ITGA2: variants seen among roughly 807,000 people sequenced by gnomAD.
The protein encoded by ITGA2 is integrin subunit alpha 2.
Under a neutral mutation model 146.3 loss-of-function variants are expected in ITGA2, and 101 were observed. That is an observed-to-expected ratio of 0.69 (90% CI 0.59 to 0.81). ITGA2 has a LOEUF of 0.81. ITGA2 is among the 40% of genes least tolerant of loss of function. The pLI, the probability that ITGA2 is intolerant of heterozygous loss-of-function variation, is 0.00. For missense variants in ITGA2, 1,281 were observed against 1,402.7 expected, an observed-to-expected ratio of 0.91 and a Z score of 1.39; for synonymous variants, 477 against 487.1, an observed-to-expected ratio of 0.98 and a Z score of 0.27.
At chr5:53,064,349 G>A (rs944921025) in intron 13 of ITGA2, among the ~76,000 whole-genome samples, 2 of 151,828 alleles carry the variant, frequency 1.3e-5, no homozygotes, top group African/African-American at 4.8e-5. Context: ...AATGGATGCT[G>A]TTCAGCTACA....
At chr5:52,989,965 G>C (rs965665100) in intron 1 of ITGA2, 3 of 214,844 alleles carry the variant, frequency 1.4e-5, no homozygotes, top group Admixed American at 5.1e-5. Context: ...AGGGAAATCC[G>C]GAATCCATTG....
chr5:53,065,536 A>T (rs1255606289), intron 14 of ITGA2, among the ~76,000 whole-genome samples: 2 of 151,854 alleles, frequency 1.3e-5, no homozygotes, highest in East Asian at 3.9e-4. Flanking sequence ...CTGGAAGGAA[A>T]AGAACTAGGA....
At chr5:53,002,066 A>G (rs1303398450) in intron 1 of ITGA2, among the ~76,000 whole-genome samples, 2 of 152,086 alleles carry the variant, frequency 1.3e-5, no homozygotes, top group Non-Finnish European at 1.5e-5. Context: ...TTGATTTTTA[A>G]TTTTCCAAAT....
Position 53,064,926 on chromosome 5 carries a change from G to A in ITGA2, c.1617G>A (p.Gln539=). The A allele has an allele frequency of 6.2e-7, 1 of 1,612,622 alleles. No individual in the cohort carries two copies. Among genetic ancestry groups the A allele is most frequent in the Non-Finnish European group, 8.5e-7 (1 of 1,179,074 alleles). The stretch of plus-strand genomic sequence containing the variant: ...CCCTTTGCAAGGGCATTTTGGGTCA[G>A]CACCAATTTCTTGAAGGCCCCGAGG... ...LFTIKEGILG[Q]HQFLEGPEGI... Residue 539 remains glutamine (Q), a synonymous_variant, in exon 14 of 30, where the codon CAG becomes CAA. Coordinates refer to ENST00000296585, the MANE Select transcript of ITGA2 (RefSeq NM_002203.4).
At chr5:53,019,806 G>A (rs561364444) in intron 1 of ITGA2, among the ~76,000 whole-genome samples, 12 of 152,204 alleles carry the variant, frequency 7.9e-5, no homozygotes, top group East Asian at 1.9e-4. Context: ...GATTACAGGC[G>A]TGAGCCACCA....
rs200253391 is a variant in ITGA2, at chr5:53,026,885, C to T, written c.185+17C>T. The T allele has an allele frequency of 3.1e-6, 5 of 1,604,512 alleles. No homozygotes were observed. The highest frequency in any genetic ancestry group is 2.6e-6 in the Non-Finnish European group (3 of 1,171,768). The stretch of plus-strand genomic sequence containing the variant: ...AGGCAACTGGTAAGAATATTCTCTT[C>T]TTTATGATTTCAGTAAAAATACAAA... On this transcript the variant is annotated intron_variant, in intron 2 of 29. Coordinates refer to ENST00000296585, the MANE Select transcript of ITGA2 (RefSeq NM_002203.4).
intron 23 of ITGA2, among the ~76,000 whole-genome samples, chr5:53,078,386 C>T (rs1332136602): frequency 6.6e-6 from 1 of 152,080 alleles, no homozygotes; most frequent in East Asian, 1.9e-4. Flanking sequence ...GCTTATAAAT[C>T]CATTCATTCA....
At chr5:53,066,700 T>C (rs563750699) in intron 15 of ITGA2, among the ~76,000 whole-genome samples, 1 of 152,032 alleles carries the variant, frequency 6.6e-6, no homozygotes, top group Admixed American at 6.6e-5. Context: ...CTTGTGCTTT[T>C]AAAGAATGAA....
chr5:53,028,490 A>G (rs1743059592), intron 2 of ITGA2, among the ~76,000 whole-genome samples: 1 of 152,230 alleles, frequency 6.6e-6, no homozygotes, highest in African/African-American at 2.4e-5. Context: ...TTATCAAATG[A>G]TGCTTTGATA....
chr5:53,001,567 A>G (rs1259199408), intron 1 of ITGA2, among the ~76,000 whole-genome samples: 1 of 152,186 alleles, frequency 6.6e-6, no homozygotes, highest in African/African-American at 2.4e-5. Context: ...AGCAAGACAA[A>G]AAGTGATTCA....
chr5:53,088,399 A>C (rs1379097030), intron 28 of ITGA2, among the ~76,000 whole-genome samples: 2 of 152,160 alleles, frequency 1.3e-5, no homozygotes, highest in Non-Finnish European at 2.9e-5. Flanking sequence ...TTAAAAGTAA[A>C]GAAAGGCTGG....
intron 15 of ITGA2, among the ~76,000 whole-genome samples, chr5:53,066,657 T>A (rs1455147932): frequency 2.0e-5 from 3 of 151,938 alleles, no homozygotes; most frequent in African/African-American, 7.2e-5. Context: ...TATTTTTTAT[T>A]TCTGAGTTTA....
intron 19 of ITGA2, 145 bp downstream of exon 19, chr5:53,072,840 T>C: frequency 2.6e-6 from 2 of 759,208 alleles, no homozygotes; most frequent in South Asian, 1.7e-5. Context: ...TTTCAATGTC[T>C]ACCATCCACA....
chr5:53,043,883 G>A (rs1436621369), intron 3 of ITGA2, among the ~76,000 whole-genome samples: 1 of 152,110 alleles, frequency 6.6e-6, no homozygotes, highest in African/African-American at 2.4e-5. Context: ...AATGATTAGA[G>A]AAACTGAGAT....
At chr5:53,055,487 A>G (rs1367025220) in intron 7 of ITGA2, 51 bp from the exon 8 acceptor site, 2 of 1,565,992 alleles carry the variant, frequency 1.3e-6, no homozygotes, top group Admixed American at 1.7e-5. Context: ...AGGTTCTCAT[A>G]TTAACTTCAT....
chr5:53,088,556 C>T (rs983846638), intron 28 of ITGA2, among the ~76,000 whole-genome samples: 4 of 151,834 alleles, frequency 2.6e-5, no homozygotes, highest in African/African-American at 9.7e-5. Context: ...TGTGGTGGTG[C>T]ACGCCTGGAA....
At chr5:53,084,677 GT>G (rs111507311) in intron 27 of ITGA2, among the ~76,000 whole-genome samples, 16,913 of 152,134 alleles carry the variant, frequency 0.11, 1,146 homozygotes, top group African/African-American at 0.18. Context: ...GCCGTTAGTT[GT>G]TATCACCTTC....
intron 2 of ITGA2, among the ~76,000 whole-genome samples, chr5:53,031,190 A>C (rs1579823799): frequency 6.6e-6 from 1 of 152,224 alleles, no homozygotes; most frequent in African/African-American, 2.4e-5. Context: ...TTAAACATTG[A>C]CTTTCCTTCT....
intron 3 of ITGA2, among the ~76,000 whole-genome samples, chr5:53,044,753 A>G (rs1193984450): frequency 2.0e-5 from 3 of 152,334 alleles, no homozygotes; most frequent in South Asian, 2.1e-4. Context: ...TTAAACATCT[A>G]TAAGTCATAC....
Sources: allele counts gnomAD v4.1 joint callset (sites outside exome capture counted in the v4.1 genomes callset), GRCh38; gene constraint gnomAD v4.1.1; transcripts MANE v1.5; gene names NCBI Gene and HGNC (gene_info 2026-07-23, HGNC 2026-07-21).